Variants in DNAJC17 observed in about 807,000 individuals in gnomAD.
DNAJC17 encodes the protein dnaJ homolog subfamily C member 17.
In DNAJC17, 35 loss-of-function variants were observed where a neutral mutation model predicts 48.1. The ratio of observed to expected loss-of-function variants is 0.73; its 90% CI spans 0.56 to 0.96. The LOEUF (loss-of-function observed/expected upper bound fraction) is 0.96, where lower values mean the gene tolerates loss of function less well. Ranked by LOEUF, DNAJC17 falls within the 50% of genes least tolerant of loss-of-function variation. The pLI, the probability that DNAJC17 is intolerant of heterozygous loss-of-function variation, is 0.00. For missense variants in DNAJC17, 355 were observed against 377.1 expected, an observed-to-expected ratio of 0.94 and a Z score of 0.48; for synonymous variants, 117 against 142.7, an observed-to-expected ratio of 0.82 and a Z score of 1.28.
chr15:40,770,160 C>A lies in DNAJC17; in HGVS notation c.793-2098G>T. ...GCCCGAGAAGGTCCACCTCTGCCTC[C>A]GCCGGAGCTGCCCTCATTCTGGCTC... On this transcript the variant is annotated intron_variant, in intron 10 of 10. Transcript: ENST00000220496. This position sits in a 1 kb window ranked among gnomAD's most constrained non-coding sequence, Gnocchi z 5.0. 1 of 261,276 alleles carries A rather than the reference C, an allele frequency of 3.8e-6. No homozygotes were observed. The highest frequency in any genetic ancestry group is 6.6e-5 in the South Asian group (1 of 15,120). 16.2% of individuals were successfully genotyped at this position (261,276 alleles called of 1,614,324 possible). A position where few individuals can be genotyped will look rare whatever the true frequency, so the allele number is the denominator to read the frequency against.
At chr15:40,782,562 C>G (rs1316924748) in intron 1 of DNAJC17, among the ~76,000 whole-genome samples, 2 of 152,106 alleles carry the variant, frequency 1.3e-5, no homozygotes, top group African/African-American at 4.8e-5. Flanking sequence ...TCCTCTGCCT[C>G]CAAGGCCTTT....
chr15:40,799,026 T>C (rs1035159915), intron 1 of DNAJC17, among the ~76,000 whole-genome samples: 20 of 151,962 alleles, frequency 1.3e-4, no homozygotes, highest in Admixed American at 3.3e-4. Flanking sequence ...GAGACCATCC[T>C]GGCTAACACG....
chr15:40,788,809 G>A (rs1165205224), intron 1 of DNAJC17, among the ~76,000 whole-genome samples: 1 of 152,052 alleles, frequency 6.6e-6, no homozygotes, highest in African/African-American at 2.4e-5. Context: ...CGAGTTTGAG[G>A]CTGCATGCCA....
At chr15:40,785,287 C>A (rs1889611633) in intron 1 of DNAJC17, among the ~76,000 whole-genome samples, 1 of 152,112 alleles carries the variant, frequency 6.6e-6, no homozygotes, top group Admixed American at 6.6e-5. Flanking sequence ...AAGAAAAAAA[C>A]TGGTAAGAAA....
chr15:40,803,542 A>T (rs1218083418), intron 1 of DNAJC17, among the ~76,000 whole-genome samples: 4 of 152,194 alleles, frequency 2.6e-5, no homozygotes, highest in Non-Finnish European at 5.9e-5. Flanking sequence ...AATAGACTGT[A>T]TGTATTAATA....
chr15:40,792,134 C>A (rs1241329882), intron 1 of DNAJC17, among the ~76,000 whole-genome samples: 1 of 152,208 alleles, frequency 6.6e-6, no homozygotes, highest in African/African-American at 2.4e-5. Context: ...CATCTGCATG[C>A]CCCGGTTGCT....
chr15:40,783,777 C>A (rs2141954420), intron 1 of DNAJC17, among the ~76,000 whole-genome samples: 1 of 152,254 alleles, frequency 6.6e-6, no homozygotes, highest in East Asian at 1.9e-4. Flanking sequence ...GCAGAAGAAT[C>A]ACTTGATTCC....
At chr15:40,775,758 C>T (rs537899794) in intron 6 of DNAJC17, 162 bp from the exon 7 acceptor site, 185 of 724,508 alleles carry the variant, frequency 2.6e-4, no homozygotes, top group Non-Finnish European at 3.6e-4. Flanking sequence ...AGCAGATGCC[C>T]ATCCCCAGAG....
At chr15:40,795,120 T>G (rs1026924272) in intron 1 of DNAJC17, among the ~76,000 whole-genome samples, 6 of 151,952 alleles carry the variant, frequency 3.9e-5, no homozygotes, top group African/African-American at 1.2e-4. Context: ...TTAAAAAACA[T>G]AAACTTCTCG....
Position 40,767,092 on chromosome 15 carries a change from C to G in DNAJC17, c.*848G>C, listed in dbSNP as rs73398512. On this transcript the variant is annotated 3_prime_UTR_variant, in exon 11 of 11. Coordinates refer to ENST00000220496, the MANE Select transcript of DNAJC17 (RefSeq NM_018163.3). Reference sequence around the variant, plus strand: ...GGAGGAGGCAGGGGGCGTGCACTTACCCCAGCGCCCAGCAAGCAGCCAGCA... The same window carrying G: ...GGAGGAGGCAGGGGGCGTGCACTTAGCCCAGCGCCCAGCAAGCAGCCAGCA... 0.012 allele frequency: 10,750 copies of G among 871,254 alleles called. 691 individuals are homozygous for G. The African/African-American group carries it at 0.15, about 12-fold the overall frequency. 54.0% of individuals were successfully genotyped at this position (871,254 alleles called of 1,614,324 possible). A position where few individuals can be genotyped will look rare whatever the true frequency, so the allele number is the denominator to read the frequency against.
intron 1 of DNAJC17, among the ~76,000 whole-genome samples, chr15:40,788,528 C>T (rs1238828502): frequency 6.6e-6 from 1 of 152,080 alleles, no homozygotes; most frequent in East Asian, 1.9e-4. Flanking sequence ...AACCCCGTCT[C>T]TACTAAAAAT....
chr15:40,784,794 C>T (rs1365064585), intron 1 of DNAJC17, among the ~76,000 whole-genome samples: 2 of 152,060 alleles, frequency 1.3e-5, no homozygotes, highest in African/African-American at 2.4e-5. Context: ...GATGGAAATA[C>T]AAAAATATAA....
chr15:40,799,475 T>C (rs185425953), intron 1 of DNAJC17, among the ~76,000 whole-genome samples: 1 of 152,168 alleles, frequency 6.6e-6, no homozygotes, highest in Non-Finnish European at 1.5e-5. Context: ...TTTGTTGTGA[T>C]ATGAGGGAAG....
At chr15:40,790,637 C>T (rs577708160) in intron 1 of DNAJC17, among the ~76,000 whole-genome samples, 4 of 152,084 alleles carry the variant, frequency 2.6e-5, no homozygotes, top group Non-Finnish European at 5.9e-5. Flanking sequence ...TTATGCTGGG[C>T]GAATCACTTA....
intron 1 of DNAJC17, among the ~76,000 whole-genome samples, chr15:40,804,752 A>C (rs1365770412): frequency 6.6e-6 from 1 of 152,258 alleles, no homozygotes; most frequent in Non-Finnish European, 1.5e-5. Context: ...CTGTAATCCC[A>C]GCACTTTGGG....
rs527578043 is a variant in DNAJC17 at position 40,781,685 on chromosome 15, G to T, written c.79-1688C>A. The stretch of plus-strand genomic sequence containing the variant: ...GCCTGTAATCCCAGCACTTTGGGAG[G>T]CCGAGACAGGTGGATCACGAGGTCA... On this transcript the variant is annotated intron_variant, in intron 1 of 10. Transcript: ENST00000220496. 3.3e-5 allele frequency among the ~76,000 whole-genome samples: 5 copies of T among 152,120 alleles called. No individual in the cohort carries two copies. In the East Asian group the frequency reaches 9.7e-4, roughly 29 times the overall value.
In DNAJC17 at chr15:40,765,546, C is replaced by G. The variant is rs574025874; in HGVS notation, c.*2394G>C. 7.8e-6 allele frequency: 2 copies of G among 257,124 alleles called. No homozygotes were observed. Among genetic ancestry groups the G allele is most frequent in the African/African-American group, 4.4e-5 (2 of 45,230 alleles). The allele number at this position is 257,124 out of a possible 1,614,324, so 15.9% of individuals were successfully genotyped here. ...CAAACTCCTCCCACCTCAAGCGATC[C>G]TCCCACCTCAGCCTCAGTAGCTGGA... On this transcript the variant is annotated 3_prime_UTR_variant, in exon 11 of 11. Coordinates refer to ENST00000220496, the MANE Select transcript of DNAJC17 (RefSeq NM_018163.3).
Position 40,769,163 on chromosome 15 carries a change from G to A in DNAJC17, c.793-1101C>T, listed in dbSNP as rs551989138. On this transcript the variant is annotated intron_variant, in intron 10 of 10. Coordinates refer to ENST00000220496, the MANE Select transcript of DNAJC17 (RefSeq NM_018163.3). This position sits in a 1 kb window ranked among gnomAD's most constrained non-coding sequence, Gnocchi z 4.2. ...ATGGCTGCACCCCTCCCCTCTCCCC[G>A]GCTGCAGCAGTCCCAGCTAGGCCGG... Among the ~76,000 whole-genome samples, 30 of 152,270 alleles carry A rather than the reference G, an allele frequency of 2.0e-4. No individual in the cohort carries two copies. Among genetic ancestry groups the A allele is most frequent in the Admixed American group, 5.9e-4 (9 of 15,302 alleles).
intron 8 of DNAJC17, 67 bp from the exon 9 acceptor site, chr15:40,774,503 A>G: frequency 6.4e-7 from 1 of 1,574,580 alleles, no homozygotes; most frequent in South Asian, 1.1e-5. Flanking sequence ...CATGCCAGAG[A>G]CAAGCCTGGG....
Sources: allele counts gnomAD v4.1 joint callset (sites outside exome capture counted in the v4.1 genomes callset), GRCh38; gene constraint gnomAD v4.1.1; non-coding constraint Gnocchi (gnomAD v3.1); transcripts MANE v1.5; gene names NCBI Gene and HGNC (gene_info 2026-07-23, HGNC 2026-07-21).